FSIP2: variants seen among roughly 807,000 people sequenced by gnomAD.
The protein encoded by FSIP2 is fibrous sheath interacting protein 2.
Under a neutral mutation model 510.5 loss-of-function variants are expected in FSIP2, and 367 were observed. The observed-to-expected ratio is 0.72, with a 90% confidence interval of 0.66 to 0.78. The LOEUF (loss-of-function observed/expected upper bound fraction) is 0.78. FSIP2 is among the 30% of genes least tolerant of loss of function. The probability of loss-of-function intolerance (pLI) is 0.00; values close to 1 mark genes in which losing one functional copy is unlikely to be tolerated. For synonymous variants in FSIP2, 2,601 were observed against 2,732.2 expected, an observed-to-expected ratio of 0.95 and a Z score of 1.50; for missense variants, 7,594 against 7,901.7, an observed-to-expected ratio of 0.96 and a Z score of 1.48.
intron 20 of FSIP2, 73 bp from the exon 21 acceptor site, chr2:185,828,083 A>C: frequency 1.2e-6 from 1 of 828,420 alleles, no homozygotes; most frequent in Non-Finnish European, 2.0e-6. Context: ...AAATAATATG[A>C]TCAGATTTGT....
chr2:185,803,449 C>T lies in FSIP2; in HGVS notation c.14143C>T (p.Pro4715Ser). 1 of 1,528,896 alleles carries T rather than the reference C, an allele frequency of 6.5e-7. No homozygotes were observed. Among genetic ancestry groups the T allele is most frequent in the Non-Finnish European group, 8.7e-7 (1 of 1,143,330 alleles). 94.7% of individuals were successfully genotyped at this position (1,528,896 alleles called of 1,614,324 possible). A position where few individuals can be genotyped will look rare whatever the true frequency, so the allele number is the denominator to read the frequency against. ...VLQEYEMEVV[P>S]NKDFLNDTKT... is the part of the protein sequence containing the mutation. The stretch of plus-strand genomic sequence containing the variant: ...GCAAGAATATGAAATGGAAGTCGTG[C>T]CCAATAAAGATTTTCTAAATGACAC... Residue 4715 changes from proline to serine, a missense_variant, in exon 17 of 23, where the codon CCC becomes TCC. Physicochemically the swap from Pro to Ser is moderately conservative, Grantham distance 74. Transcript: ENST00000424728.
In FSIP2 at chr2:185,804,278, CA is replaced by C; in HGVS notation, c.14974del (p.Ile4992LeufsTer11). 6.5e-7 allele frequency: 1 copy of C among 1,528,130 alleles called. No homozygotes were observed. Among genetic ancestry groups the C allele is most frequent in the East Asian group, 2.5e-5 (1 of 40,694 alleles). The allele number at this position is 1,528,130 out of a possible 1,614,324, so 94.7% of individuals were successfully genotyped here. A position where few individuals can be genotyped will look rare whatever the true frequency, so the allele number is the denominator to read the frequency against. The part of the protein sequence containing the change: ...LTRIVTTLVN[S>X]IVLEFTTSEI... ...AGGATTGTTACAACATTGGTAAATT[CA>C]ATTGTTCTGGAGTTCACCACATCAG... On this transcript the variant is annotated frameshift_variant, in exon 17 of 23. Transcript: ENST00000424728. LOFTEE classifies it high-confidence loss of function.
At chr2:185,743,838 T>C (rs1691973336) in intron 3 of FSIP2, among the ~76,000 whole-genome samples, 1 of 152,132 alleles carries the variant, frequency 6.6e-6, no homozygotes, top group Non-Finnish European at 1.5e-5. Flanking sequence ...TAAAGTAATA[T>C]GTATATATTT....
rs1020411247 is a variant in FSIP2 at position 185,789,032 on chromosome 2, C to T, written c.1896C>T (p.Asn632=). The change falls in exon 16 of 23, where the codon AAC becomes AAT. Residue 632 remains asparagine (N), a synonymous_variant. Coordinates refer to ENST00000424728, the MANE Select transcript of FSIP2 (RefSeq NM_173651.4). ...IISKHKYNKT[N]LLYSYPKLRS... The stretch of plus-strand genomic sequence containing the variant: ...CTAAACATAAATATAATAAAACCAA[C>T]TTGCTATATTCATACCCTAAGCTCA... The T allele has an allele frequency of 2.0e-6, 3 of 1,533,894 alleles. No homozygotes were observed. The highest frequency in any genetic ancestry group is 2.6e-6 in the Non-Finnish European group (3 of 1,145,352).
chr2:185,828,329 A>G (rs1305023431), intron 21 of FSIP2, 130 bp downstream of exon 21: 4 of 614,536 alleles, frequency 6.5e-6, no homozygotes, highest in Non-Finnish European at 1.2e-5. Flanking sequence ...CCTATTCACA[A>G]TTTCTTACAC....
Position 185,828,204 on chromosome 2 carries a change from G to A in FSIP2, c.20517+5G>A. The A allele has an allele frequency of 6.5e-7, 1 of 1,546,924 alleles. No individual in the cohort carries two copies. Among genetic ancestry groups the A allele is most frequent in the Non-Finnish European group, 8.9e-7 (1 of 1,121,382 alleles). On this transcript the variant is annotated splice_donor_5th_base_variant and intron_variant, in intron 21 of 22. Coordinates refer to ENST00000424728, the MANE Select transcript of FSIP2 (RefSeq NM_173651.4). Reference sequence around the variant, plus strand: ...GAGCATGGAAACAGTGTTAAGGTAAGTATTTTTAACTAGCCTTAGTTGATA... The same window carrying A: ...GAGCATGGAAACAGTGTTAAGGTAAATATTTTTAACTAGCCTTAGTTGATA...
At position 185,745,759 on chromosome 2, in the gene FSIP2, C is replaced by T. The variant is rs180983750; in HGVS notation, c.617+191C>T. 7.2e-5 allele frequency among the ~76,000 whole-genome samples: 11 copies of T among 152,098 alleles called. No individual in the cohort carries two copies. The East Asian group carries it at 2.1e-3, about 29-fold the overall frequency. ...AGAGGGGTTAGGGTTGCTGGACGCC[C>T]AAGGGATAAGCCAAACTGGTTATTG... On this transcript the variant is annotated intron_variant, in intron 5 of 22. Coordinates refer to ENST00000424728, the MANE Select transcript of FSIP2 (RefSeq NM_173651.4).
At chr2:185,751,918 G>T (rs934846753) in intron 7 of FSIP2, among the ~76,000 whole-genome samples, 1 of 150,580 alleles carries the variant, frequency 6.6e-6, no homozygotes, top group Admixed American at 6.6e-5. Flanking sequence ...ATACATACAC[G>T]TAATAATTCC....
rs1693129126 is a variant in FSIP2, at chr2:185,791,579, G to A, written c.4443G>A (p.Gln1481=). 1 of 1,534,122 alleles carries A rather than the reference G, an allele frequency of 6.5e-7. No homozygotes were observed. Among genetic ancestry groups the A allele is most frequent in the African/African-American group, 1.4e-5 (1 of 72,906 alleles). Residue 1481 remains glutamine (Q), a synonymous_variant, in exon 16 of 23, where the codon CAG becomes CAA. Transcript: ENST00000424728. ...KMAAALQSNI[Q]LISKAILDYI... ...CTGCTGCATTGCAGTCTAATATTCA[G>A]TTAATTTCTAAAGCAATTTTGGATT... is the stretch of plus-strand genomic sequence containing the variant.
Position 185,801,317 on chromosome 2 carries a change from A to G in FSIP2, c.12011A>G (p.Asn4004Ser), listed in dbSNP as rs778779059. The G allele has an allele frequency of 1.5e-4, 235 of 1,533,730 alleles. 1 individual carries two copies. The highest frequency in any genetic ancestry group is 2.0e-4 in the Non-Finnish European group (226 of 1,145,372). Residue 4004 changes from asparagine to serine, a missense_variant, in exon 17 of 23, where the codon AAT becomes AGT. Asn to Ser is a conservative substitution (Grantham distance 46, BLOSUM62 1). Coordinates refer to ENST00000424728, the MANE Select transcript of FSIP2 (RefSeq NM_173651.4). ...AAAAACATCACTGTGTCCTGGCTCA[A>G]TGAGATGAATACATTATTTGTCAAC... is the stretch of plus-strand genomic sequence containing the variant. ...KNKNITVSWL[N>S]EMNTLFVNNV...
Position 185,792,442 on chromosome 2 carries a change from T to C in FSIP2, c.5306T>C (p.Leu1769Pro). ...EKTLNKIEVKLKEPHISPIAP... is the reference protein window; with the variant it reads ...EKTLNKIEVKPKEPHISPIAP... ...ACCTTAAACAAAATTGAAGTAAAAC[T>C]CAAAGAACCACATATATCTCCAATT... Residue 1769 changes from leucine (L) to proline (P), a missense_variant, in exon 16 of 23, where the codon CTC becomes CCC. By Grantham distance (98) the Leu-to-Pro change is moderately conservative. Coordinates refer to ENST00000424728, the MANE Select transcript of FSIP2 (RefSeq NM_173651.4). 1 of 1,532,800 alleles carries C rather than the reference T, an allele frequency of 6.5e-7. No individual in the cohort carries two copies. The highest frequency in any genetic ancestry group is 8.7e-7 in the Non-Finnish European group (1 of 1,144,418). 94.9% of individuals were successfully genotyped at this position (1,532,800 alleles called of 1,614,324 possible). A position where few individuals can be genotyped will look rare whatever the true frequency, so the allele number is the denominator to read the frequency against.
At chr2:185,759,583 A>G (rs1692309490) in intron 9 of FSIP2, among the ~76,000 whole-genome samples, 1 of 114,780 alleles carries the variant, frequency 8.7e-6, no homozygotes, top group Admixed American at 9.0e-5. Flanking sequence ...TATATTTATG[A>G]TATAATTATG....
intron 7 of FSIP2, among the ~76,000 whole-genome samples, chr2:185,749,730 C>T (rs991514473): frequency 1.3e-5 from 2 of 151,656 alleles, no homozygotes; most frequent in African/African-American, 2.4e-5. Context: ...TAGTGGCTCT[C>T]TTTGCTAGTG....
chr2:185,764,465 TGTGGATCTATTTG>T, intron 12 of FSIP2, 24 bp from the exon 13 acceptor site: 1 of 1,407,936 alleles, frequency 7.1e-7, no homozygotes. Context: ...AATTTTTTTT[TGTGGATCTATTTG>T]TTTTGCTGTT....
At chr2:185,812,297 A>G (rs1263496253) in intron 17 of FSIP2, among the ~76,000 whole-genome samples, 3 of 152,082 alleles carry the variant, frequency 2.0e-5, no homozygotes, top group African/African-American at 4.8e-5. Context: ...TTTAAGATAT[A>G]ATGATTGCAC....
chr2:185,792,103 CAG>C lies in FSIP2; in HGVS notation c.4969_4970del (p.Glu1657IlefsTer18), dbSNP rs1693145564. ...AGTGCTATTTTGAAGGTTATTCAAA[CAG>C]AATTAAATGTGACCTCATCAGATTT... On this transcript the variant is annotated frameshift_variant, in exon 16 of 23. Transcript: ENST00000424728. LOFTEE classifies it high-confidence loss of function. The C allele has an allele frequency of 2.0e-6, 3 of 1,533,748 alleles. No homozygotes were observed. The highest frequency in any genetic ancestry group is 2.6e-6 in the Non-Finnish European group (3 of 1,145,238).
intron 8 of FSIP2, among the ~76,000 whole-genome samples, chr2:185,755,684 C>G (rs1269874118): frequency 6.6e-6 from 1 of 151,518 alleles, no homozygotes; most frequent in Admixed American, 6.6e-5. Context: ...ACAGATCACT[C>G]TTATAGTTTA....
intron 20 of FSIP2, 85 bp downstream of exon 20, chr2:185,824,565 C>A: frequency 2.5e-6 from 2 of 804,140 alleles, no homozygotes; most frequent in South Asian, 3.2e-5. Flanking sequence ...GAAGTTAATA[C>A]AGGTTTTATG....
chr2:185,811,468 CAA>C (rs796187112), intron 17 of FSIP2, among the ~76,000 whole-genome samples: 21 of 58,994 alleles, frequency 3.6e-4, no homozygotes, highest in Non-Finnish European at 2.9e-4. Context: ...GACTCCACCT[CAA>C]AAAAAAAAAA....
Sources: gnomAD v4.1 joint callset for allele counts (sites outside exome capture counted in the v4.1 genomes callset) on GRCh38, gnomAD v4.1.1 for gene constraint, MANE v1.5 for transcripts, NCBI Gene and HGNC (gene_info 2026-07-23, HGNC 2026-07-21) for gene names.